Variants in CTNNA3 observed in about 807,000 individuals in gnomAD.
The protein encoded by CTNNA3 is catenin alpha-3.
In CTNNA3, 76 loss-of-function variants were observed where a neutral mutation model predicts 95.7. The ratio of observed to expected loss-of-function variants is 0.79; its 90% CI spans 0.66 to 0.96. CTNNA3 has a LOEUF of 0.96. Among genes scored for constraint, CTNNA3 ranks in the 40% least tolerant of loss-of-function variants. The pLI, the probability that CTNNA3 is intolerant of heterozygous loss-of-function variation, is 0.00. For missense variants in CTNNA3, 1,191 were observed against 1,089.8 expected (o/e 1.09, Z -1.31); for synonymous variants, 431 against 374.4 (o/e 1.15, Z -1.74).
chr10:65,920,803 G>A (rs1489320370), intron 17 of CTNNA3, among the ~76,000 whole-genome samples, 186 bp from the exon 18 acceptor site: 1 of 152,016 alleles, frequency 6.6e-6, no homozygotes, highest in Non-Finnish European at 1.5e-5. Context: ...CGCAGCCTGG[G>A]TGACAGTGAA....
intron 7 of CTNNA3, among the ~76,000 whole-genome samples, chr10:66,840,519 T>A (rs1843033792): frequency 6.6e-6 from 1 of 152,062 alleles, no homozygotes; most frequent in Non-Finnish European, 1.5e-5. Context: ...GCACCTGATG[T>A]ACCTGAAACT....
intron 13 of CTNNA3, among the ~76,000 whole-genome samples, chr10:66,188,810 T>G (rs1242992451): frequency 6.6e-6 from 1 of 152,098 alleles, no homozygotes; most frequent in Non-Finnish European, 1.5e-5. Flanking sequence ...AGCTATACTG[T>G]TTTCCACAAT....
intron 11 of CTNNA3, among the ~76,000 whole-genome samples, chr10:66,518,566 T>C (rs1414795382): frequency 6.6e-6 from 1 of 152,150 alleles, no homozygotes; most frequent in Non-Finnish European, 1.5e-5. Context: ...CTTAATGTTG[T>C]TCATAATAAT....
intron 11 of CTNNA3, among the ~76,000 whole-genome samples, chr10:66,467,916 G>C (rs1165596088): frequency 6.6e-6 from 1 of 151,954 alleles, no homozygotes; most frequent in Admixed American, 6.6e-5. Context: ...CTCTGTTAAT[G>C]TACATATTTT....
intron 9 of CTNNA3, among the ~76,000 whole-genome samples, chr10:66,757,357 T>C (rs142535206): frequency 1.3e-5 from 2 of 152,290 alleles, no homozygotes; most frequent in East Asian, 1.9e-4. Flanking sequence ...AGGAACTCAA[T>C]AGCCTATTGA....
intron 7 of CTNNA3, among the ~76,000 whole-genome samples, chr10:66,903,139 G>A (rs1845829186): frequency 6.6e-6 from 1 of 152,092 alleles, no homozygotes; most frequent in South Asian, 2.1e-4. Flanking sequence ...TAAAATACTG[G>A]CAAACCGAAT....
intron 7 of CTNNA3, among the ~76,000 whole-genome samples, chr10:67,056,760 T>C (rs1855455405): frequency 6.6e-6 from 1 of 152,198 alleles, no homozygotes; most frequent in South Asian, 2.1e-4. Context: ...AAGTACTTTA[T>C]ATGACAACTA....
rs903385591 is a variant in CTNNA3 at position 65,917,523 on chromosome 10, C to A, written c.*2807G>T. On this transcript the variant is annotated 3_prime_UTR_variant, in exon 18 of 18. Transcript: ENST00000433211. ...ATCTGGCAGGGATACTGGTGGGTAA[C>A]CAGGGATGGAACTGCTCCTGTGGGT... The A allele has an allele frequency of 1.3e-5, 2 of 151,262 alleles. No homozygotes were observed. The highest frequency in any genetic ancestry group is 2.4e-5 in the African/African-American group (1 of 41,106). The allele number at this position is 151,262 out of a possible 1,614,324, so 9.4% of individuals were successfully genotyped here. A position where few individuals can be genotyped will look rare whatever the true frequency, so the allele number is the denominator to read the frequency against.
At chr10:67,675,192 A>T (rs867199545) in intron 1 of CTNNA3, among the ~76,000 whole-genome samples, 1 of 151,886 alleles carries the variant, frequency 6.6e-6, no homozygotes, top group African/African-American at 2.4e-5. Flanking sequence ...TTCCTTATTA[A>T]TTTTTTGGAG....
chr10:66,388,483 G>A (rs989595702), intron 11 of CTNNA3, among the ~76,000 whole-genome samples: 2 of 152,030 alleles, frequency 1.3e-5, no homozygotes, highest in African/African-American at 2.4e-5. Context: ...ATTATTTAAA[G>A]CAGTGAATAA....
chr10:67,546,096 T>G (rs978869850), intron 3 of CTNNA3, among the ~76,000 whole-genome samples: 3 of 152,164 alleles, frequency 2.0e-5, no homozygotes, highest in African/African-American at 7.2e-5. Flanking sequence ...TTTTTAATTT[T>G]CAAAAAATTG....
rs747397851 is a variant in CTNNA3, at chr10:65,966,662, G to C, written c.2350C>G (p.Gln784Glu). The C allele has an allele frequency of 1.9e-6, 3 of 1,613,762 alleles. No individual in the cohort carries two copies. The highest frequency in any genetic ancestry group is 2.5e-6 in the Non-Finnish European group (3 of 1,179,844). ...AGGTTCTGGATCTCAGCTTTAACTT[G>C]ACTGCAGATTTTCAGTTGGTGGGAG... The part of the protein sequence containing the change: ...FYSHQLKICS[Q>E]VKAEIQNLGG... The change falls in exon 17 of 18, where the codon CAA becomes GAA. Residue 784 changes from glutamine (Q) to glutamate (E), a missense_variant. Transcript: ENST00000433211.
chr10:67,403,964 G>A (rs550556603), intron 5 of CTNNA3, among the ~76,000 whole-genome samples: 7 of 152,268 alleles, frequency 4.6e-5, no homozygotes, highest in African/African-American at 1.4e-4. Context: ...GCAAATCATA[G>A]CAGCCCTACA....
intron 11 of CTNNA3, among the ~76,000 whole-genome samples, chr10:66,416,706 CA>C (rs2093149289): frequency 6.6e-6 from 1 of 151,784 alleles, no homozygotes; most frequent in Non-Finnish European, 1.5e-5. Context: ...CTATATCTAA[CA>C]AAATTATCCT....
chr10:66,138,953 C>T (rs1380509166), intron 13 of CTNNA3, among the ~76,000 whole-genome samples: 1 of 152,164 alleles, frequency 6.6e-6, no homozygotes, highest in African/African-American at 2.4e-5. Context: ...AGTAATTTAA[C>T]ATTGGTCTTC....
chr10:66,486,229 T>A lies in CTNNA3; in HGVS notation c.1531+34388A>T, dbSNP rs2131918235. 2.0e-5 allele frequency among the ~76,000 whole-genome samples: 3 copies of A among 152,276 alleles called. No homozygotes were observed. The South Asian group carries it at 6.2e-4, about 32-fold the overall frequency. ...TGGGATTACATCAAACTGAAAATCATTTGTACAGCAAGGAAACAACAGAGT... is the reference window on the plus strand; with the variant it reads ...TGGGATTACATCAAACTGAAAATCAATTGTACAGCAAGGAAACAACAGAGT... On this transcript the variant is annotated intron_variant, in intron 11 of 17. Transcript: ENST00000433211.
chr10:66,277,743 T>TATTC (rs1468940435), intron 13 of CTNNA3, among the ~76,000 whole-genome samples: 1 of 152,040 alleles, frequency 6.6e-6, no homozygotes, highest in Non-Finnish European at 1.5e-5. Flanking sequence ...ACCCTCTGGG[T>TATTC]ATTCCTCCCT....
intron 3 of CTNNA3, among the ~76,000 whole-genome samples, chr10:67,584,872 C>T (rs535511999): frequency 8.7e-4 from 133 of 152,322 alleles, no homozygotes; most frequent in African/African-American, 3.0e-3. Flanking sequence ...GAGCCATGTG[C>T]GGGATATAAT....
intron 10 of CTNNA3, among the ~76,000 whole-genome samples, chr10:66,538,034 G>T (rs1841720920): frequency 6.6e-6 from 1 of 152,002 alleles, no homozygotes; most frequent in African/African-American, 2.4e-5. Context: ...AAGTAGTAAA[G>T]AATCAATCAT....
Sources: allele counts gnomAD v4.1 joint callset (sites outside exome capture counted in the v4.1 genomes callset), GRCh38; gene constraint gnomAD v4.1.1; transcripts MANE v1.5; gene names NCBI Gene and HGNC (gene_info 2026-07-23, HGNC 2026-07-21).